Variants in LPXN observed in about 807,000 individuals in gnomAD.
The protein encoded by LPXN is leupaxin.
In LPXN, 28 loss-of-function variants were observed where a neutral mutation model predicts 45.6. The ratio of observed to expected loss-of-function variants is 0.61; its 90% confidence interval spans 0.45 to 0.84. The LOEUF is 0.84. Ranked by LOEUF, LPXN falls within the 40% of genes least tolerant of loss-of-function variation. The pLI, the probability that LPXN is intolerant of heterozygous loss-of-function variation, is 0.00. For missense variants in LPXN, 459 were observed against 475.0 expected, an observed-to-expected ratio of 0.97 and a Z score of 0.31; for synonymous variants, 166 against 169.9, an observed-to-expected ratio of 0.98 and a Z score of 0.18.
At chr11:58,572,302 A>C (rs1412397503) in intron 1 of LPXN, among the ~76,000 whole-genome samples, 7 of 152,046 alleles carry the variant, frequency 4.6e-5, no homozygotes, top group African/African-American at 1.2e-4. Context: ...TTTTTTTAAC[A>C]AATGAAATAT....
At chr11:58,543,895 G>T (rs528994602) in intron 7 of LPXN, among the ~76,000 whole-genome samples, 1 of 152,280 alleles carries the variant, frequency 6.6e-6, no homozygotes, top group East Asian at 1.9e-4. Flanking sequence ...ATAGCAGCCA[G>T]ATCACAACAT....
At chr11:58,561,965 A>C (rs1342547549) in intron 3 of LPXN, among the ~76,000 whole-genome samples, 1 of 152,250 alleles carries the variant, frequency 6.6e-6, no homozygotes, top group Non-Finnish European at 1.5e-5. Flanking sequence ...TTTTGAAGAT[A>C]GTAAAGATGC....
At chr11:58,561,953 C>T (rs915672031) in intron 3 of LPXN, among the ~76,000 whole-genome samples, 2 of 152,188 alleles carry the variant, frequency 1.3e-5, no homozygotes, top group Non-Finnish European at 2.9e-5. Flanking sequence ...TGTTCCCTGA[C>T]CTTTTGAAGA....
At chr11:58,571,345 AT>A (rs1306699802) in intron 1 of LPXN, among the ~76,000 whole-genome samples, 4 of 23,744 alleles carry the variant, frequency 1.7e-4, no homozygotes, top group Non-Finnish European at 3.3e-4. Flanking sequence ...GTCTCAAAAA[AT>A]AAATAAATAA....
upstream of LPXN, chr11:58,578,225 C>A: frequency 1.3e-6 from 1 of 756,172 alleles, no homozygotes; most frequent in Non-Finnish European, 2.0e-6. Context: ...GGATGTACGG[C>A]ACGCGTCGCG....
intron 3 of LPXN, among the ~76,000 whole-genome samples, chr11:58,555,992 G>T (rs1854191532): frequency 6.6e-6 from 1 of 151,974 alleles, no homozygotes; most frequent in East Asian, 1.9e-4. Context: ...AAAACTGACA[G>T]TTTTTGGGGG....
chr11:58,566,412 T>G (rs1414757974), intron 2 of LPXN, among the ~76,000 whole-genome samples: 4 of 152,120 alleles, frequency 2.6e-5, no homozygotes, highest in Non-Finnish European at 2.9e-5. Flanking sequence ...TCAAAGCACT[T>G]TTGCTCAATA....
Position 58,560,213 on chromosome 11 carries a change from T to G in LPXN, c.218+3942A>C, listed in dbSNP as rs557045849. 1.4e-3 allele frequency among the ~76,000 whole-genome samples: 218 copies of G among 152,314 alleles called. 3 individuals carry two copies. The highest frequency in any genetic ancestry group is 4.4e-4 in the Non-Finnish European group (30 of 68,028). On this transcript the variant is annotated intron_variant, in intron 3 of 8. Coordinates refer to ENST00000395074, the MANE Select transcript of LPXN (RefSeq NM_004811.3). ...GCCAACAGATGAAGTGGTGGAGGTG[T>G]CAGATGAGACATCAGTAATGCAATT...
intron 7 of LPXN, among the ~76,000 whole-genome samples, chr11:58,548,017 G>A (rs1015498805): frequency 6.6e-6 from 1 of 151,934 alleles, no homozygotes. Flanking sequence ...GGGAAGAATG[G>A]GTCATGTAGA....
rs573006141 is a variant in LPXN at position 58,527,210 on chromosome 11, T to TC, written c.*243dup. 3.2e-5 allele frequency: 15 copies of TC among 473,686 alleles called. No homozygotes were observed. The South Asian group carries it at 3.6e-4, about 11-fold the overall frequency. The allele number at this position is 473,686 out of a possible 1,614,324, so 29.3% of individuals were successfully genotyped here. On this transcript the variant is annotated 3_prime_UTR_variant, in exon 9 of 9. Transcript: ENST00000395074. ...CGAGATAGAAGGACCTAGATCTAAC[T>TC]CCAAGTGCTTGATTGGAGAAGAGAG...
At chr11:58,567,240 A>G (rs542431169) in intron 2 of LPXN, among the ~76,000 whole-genome samples, 1 of 152,318 alleles carries the variant, frequency 6.6e-6, no homozygotes, top group African/African-American at 2.4e-5. Context: ...AACAAAAACA[A>G]CAGTTTACCT....
chr11:58,557,133 G>T lies in LPXN; in HGVS notation c.219-2193C>A, dbSNP rs868020636. ...TTACAGCCATTACAGAAAATAATAT[G>T]CAGGTTTCTAAAGGAATTAAAAATA... On this transcript the variant is annotated intron_variant, in intron 3 of 8. Coordinates refer to ENST00000395074, the MANE Select transcript of LPXN (RefSeq NM_004811.3). 4.6e-5 allele frequency among the ~76,000 whole-genome samples: 7 copies of T among 152,282 alleles called. No homozygotes were observed. The South Asian group carries it at 1.5e-3, about 32-fold the overall frequency.
intron 7 of LPXN, among the ~76,000 whole-genome samples, chr11:58,539,887 C>T (rs188001409): frequency 5.9e-5 from 9 of 152,224 alleles, no homozygotes; most frequent in Non-Finnish European, 1.0e-4. Context: ...CAGCATTTTA[C>T]TACCTATTCC....
intron 3 of LPXN, among the ~76,000 whole-genome samples, chr11:58,563,594 T>A (rs1448604286): frequency 6.6e-6 from 1 of 152,278 alleles, no homozygotes; most frequent in African/African-American, 2.4e-5. Context: ...CTTGTTATTT[T>A]TTCAGACTGC....
chr11:58,577,806 T>G (rs1293306023), upstream of LPXN, among the ~76,000 whole-genome samples: 1 of 151,942 alleles, frequency 6.6e-6, no homozygotes, highest in Admixed American at 6.5e-5. Flanking sequence ...TCCCTCTAGG[T>G]CAGGCACCGC....
chr11:58,578,559 A>C (rs2134378111), upstream of LPXN, among the ~76,000 whole-genome samples: 1 of 152,302 alleles, frequency 6.6e-6, no homozygotes, highest in East Asian at 1.9e-4. Context: ...ACAGCTCAAA[A>C]TACTACCCCC....
chr11:58,532,284 G>A (rs11560952), intron 7 of LPXN, among the ~76,000 whole-genome samples: 60,638 of 152,080 alleles, frequency 0.4, 12,219 homozygotes, highest in Middle Eastern at 0.53. Flanking sequence ...CCCCTGCTCC[G>A]AGGCGCCCAG....
At chr11:58,576,132 G>C (rs1197843398), upstream of LPXN, among the ~76,000 whole-genome samples, 1 of 150,496 alleles carries the variant, frequency 6.6e-6, no homozygotes, top group South Asian at 2.1e-4. Flanking sequence ...TTATACTTGC[G>C]TTTTTTCCAA....
At chr11:58,572,384 G>T (rs942216910) in intron 1 of LPXN, among the ~76,000 whole-genome samples, 2 of 151,614 alleles carry the variant, frequency 1.3e-5, no homozygotes, top group Non-Finnish European at 2.9e-5. Context: ...TAAGCAAACT[G>T]AACTAAACTC....
Sources: allele counts gnomAD v4.1 joint callset (sites outside exome capture counted in the v4.1 genomes callset), GRCh38; gene constraint gnomAD v4.1.1; transcripts MANE v1.5; gene names NCBI Gene and HGNC (gene_info 2026-07-23, HGNC 2026-07-21).